The following PDCL variants were observed in gnomAD, a reference collection of about 807,000 sequenced individuals.
PDCL encodes phosducin-like protein.
In PDCL, 11 loss-of-function variants were observed where a neutral mutation model predicts 26.7. That is an observed-to-expected ratio of 0.41 (90% CI 0.26 to 0.68). The LOEUF is 0.68. PDCL is among the 30% of genes least tolerant of loss of function. PDCL has a pLI of 0.30. For missense variants in PDCL, 330 were observed against 371.6 expected (o/e 0.89, Z 0.92); for synonymous variants, 118 against 134.9 (o/e 0.87, Z 0.87).
Position 122,819,298 on chromosome 9 carries a change from A to T in PDCL, c.*787T>A, listed in dbSNP as rs1206649260. The stretch of plus-strand genomic sequence containing the variant: ...CAATATGAAAAAAAAAAAAAGTTTT[A>T]AAAAAAATCTAGGTTAAACAAAAAG... On this transcript the variant is annotated 3_prime_UTR_variant, in exon 4 of 4. Transcript: ENST00000259467. The T allele has an allele frequency of 2.0e-5, 3 of 152,030 alleles. No individual in the cohort carries two copies. Among genetic ancestry groups the T allele is most frequent in the Non-Finnish European group, 4.4e-5 (3 of 68,006 alleles). The allele number at this position is 152,030 out of a possible 1,614,324, so 9.4% of individuals were successfully genotyped here.
intron 3 of PDCL, among the ~76,000 whole-genome samples, chr9:122,821,677 G>A (rs1308795535): frequency 6.6e-6 from 1 of 152,068 alleles, no homozygotes; most frequent in Admixed American, 6.6e-5. Flanking sequence ...TAAATCAGCA[G>A]GACGGGAACA....
At position 122,818,982 on chromosome 9, in the gene PDCL, T is replaced by C. The variant is rs1161303209; in HGVS notation, c.*1103A>G. On this transcript the variant is annotated 3_prime_UTR_variant, in exon 4 of 4. Transcript: ENST00000259467. ...AGCAAATTATATCACATCTATACGA[T>C]GGAATATTAATAGACATTTTTAAAA... is the stretch of plus-strand genomic sequence containing the variant. 1 of 152,040 alleles carries C rather than the reference T, an allele frequency of 6.6e-6. No homozygotes were observed. Among genetic ancestry groups the C allele is most frequent in the African/African-American group, 2.4e-5 (1 of 41,432 alleles). 9.4% of individuals were successfully genotyped at this position (152,040 alleles called of 1,614,324 possible).
chr9:122,827,983 T>C (rs988985445), intron 1 of PDCL, among the ~76,000 whole-genome samples: 1 of 152,008 alleles, frequency 6.6e-6, no homozygotes, highest in Admixed American at 6.5e-5. Context: ...CCCAGCACAA[T>C]GCCGCTGCAC....
intron 2 of PDCL, among the ~76,000 whole-genome samples, chr9:122,824,239 C>A (rs1187338667): frequency 6.6e-6 from 1 of 152,182 alleles, no homozygotes; most frequent in Non-Finnish European, 1.5e-5. Context: ...CATATATCCC[C>A]AGCCCATTGA....
chr9:122,825,883 C>T (rs908672409), intron 2 of PDCL, among the ~76,000 whole-genome samples: 8 of 152,052 alleles, frequency 5.3e-5, no homozygotes, highest in African/African-American at 7.2e-5. Context: ...AAAGTGAGAC[C>T]CCATCTCTAC....
intron 2 of PDCL, among the ~76,000 whole-genome samples, chr9:122,823,622 A>C (rs989241180): frequency 2.0e-5 from 3 of 152,208 alleles, no homozygotes; most frequent in African/African-American, 7.2e-5. Context: ...ATATGCATAC[A>C]TGTTTGTATA....
At position 122,826,742 on chromosome 9, in the gene PDCL, A is replaced by G; in HGVS notation, c.46T>C (p.Tyr16His). 1 of 1,614,100 alleles carries G rather than the reference A, an allele frequency of 6.2e-7. No homozygotes were observed. Among genetic ancestry groups the G allele is most frequent in the Non-Finnish European group, 8.5e-7 (1 of 1,180,014 alleles). ...TCCTCATCCTCACTGCTGCTATAGT[A>G]GTACTGCAGTTTCTCCCCCAGCAAC... ...DKLLGEKLQY[Y>H]YSSSEDEDSD... The change falls in exon 2 of 4, where the codon TAC (tyrosine) becomes CAC (histidine). Residue 16 changes from tyrosine to histidine, a missense_variant. Physicochemically the swap from Tyr to His is moderately conservative, Grantham distance 83. Coordinates refer to ENST00000259467, the MANE Select transcript of PDCL (RefSeq NM_005388.5).
intron 3 of PDCL, among the ~76,000 whole-genome samples, chr9:122,822,683 C>A (rs1472721285): frequency 6.6e-6 from 1 of 152,134 alleles, no homozygotes; most frequent in African/African-American, 2.4e-5. Flanking sequence ...AAGATAAAAC[C>A]TCAATAAAAG....
intron 2 of PDCL, among the ~76,000 whole-genome samples, chr9:122,823,670 A>C (rs1172378030): frequency 6.6e-6 from 1 of 152,166 alleles, no homozygotes; most frequent in Non-Finnish European, 1.5e-5. Flanking sequence ...CTTGCAGGAT[A>C]TGTAAGCTGT....
At position 122,820,560 on chromosome 9, in the gene PDCL, C is replaced by T. The variant is rs753559825; in HGVS notation, c.431G>A (p.Arg144Gln). The change falls in exon 4 of 4, where the codon CGA becomes CAA. Residue 144 changes from arginine to glutamine, a missense_variant. Transcript: ENST00000259467. ...EEFLQQYRKQ[R>Q]MEEMRQQLHK... is the part of the protein sequence containing the mutation. Reference sequence around the variant, plus strand: ...AAGCTGCTGCCGCATCTCTTCCATTCGCTGCTTCCGGTACTGCTGCAGAAA... The same window carrying T: ...AAGCTGCTGCCGCATCTCTTCCATTTGCTGCTTCCGGTACTGCTGCAGAAA... The T allele has an allele frequency of 1.9e-6, 3 of 1,614,104 alleles. No homozygotes were observed. Among genetic ancestry groups the T allele is most frequent in the African/African-American group, 1.3e-5 (1 of 75,036 alleles).
rs1465066408 is a variant in PDCL, at chr9:122,818,273, A to C, written c.*1812T>G. 6.6e-6 allele frequency: 1 copy of C among 152,238 alleles called. No homozygotes were observed. Among genetic ancestry groups the C allele is most frequent in the Non-Finnish European group, 1.5e-5 (1 of 68,052 alleles). The allele number at this position is 152,238 out of a possible 1,614,324, so 9.4% of individuals were successfully genotyped here. ...ACAGAGCGAGACTCCATCTCAAAGA[A>C]AACAAACAAAATAAATAAATAAAAA... is the stretch of plus-strand genomic sequence containing the variant. On this transcript the variant is annotated 3_prime_UTR_variant, in exon 4 of 4. Transcript: ENST00000259467.
At chr9:122,824,037 T>G (rs1829589778) in intron 2 of PDCL, among the ~76,000 whole-genome samples, 1 of 152,178 alleles carries the variant, frequency 6.6e-6, no homozygotes, top group Non-Finnish European at 1.5e-5. Flanking sequence ...CCCAAAGTGC[T>G]ATGGGATGAT....
At chr9:122,827,103 G>A (rs761525326) in intron 1 of PDCL, among the ~76,000 whole-genome samples, 6 of 152,178 alleles carry the variant, frequency 3.9e-5, no homozygotes, top group Non-Finnish European at 5.9e-5. Flanking sequence ...AATTACTCTA[G>A]TCTGAGTTAA....
intron 2 of PDCL, 43 bp downstream of exon 2, chr9:122,826,573 A>C (rs1829631120): frequency 1.3e-6 from 2 of 1,529,750 alleles, no homozygotes; most frequent in Admixed American, 4.0e-5. Context: ...TATTTAATGT[A>C]CATTTTTTAA....
Position 122,818,260 on chromosome 9 carries a change from T to TC in PDCL, c.*1824dup, listed in dbSNP as rs1271881563. 1.3e-5 allele frequency: 2 copies of TC among 152,094 alleles called. No individual in the cohort carries two copies. Among genetic ancestry groups the TC allele is most frequent in the Admixed American group, 6.6e-5 (1 of 15,258 alleles). The allele number at this position is 152,094 out of a possible 1,614,324, so 9.4% of individuals were successfully genotyped here. On this transcript the variant is annotated 3_prime_UTR_variant, in exon 4 of 4. Coordinates refer to ENST00000259467, the MANE Select transcript of PDCL (RefSeq NM_005388.5). ...TCCAGCCTGGGTGACAGAGCGAGAC[T>TC]CCATCTCAAAGAAAACAAACAAAAT...
chr9:122,823,008 C>A lies in PDCL; in HGVS notation c.354+8G>T, dbSNP rs945879584. ...GACTCTAAGAAAAGCCTGAGTACTG[C>A]TAATTACCTTCCCACTGATCTTCTC... On this transcript the variant is annotated splice_region_variant and intron_variant, in intron 3 of 3. Coordinates refer to ENST00000259467, the MANE Select transcript of PDCL (RefSeq NM_005388.5). 5 of 1,613,326 alleles carry A rather than the reference C, an allele frequency of 3.1e-6. No individual in the cohort carries two copies. The highest frequency in any genetic ancestry group is 2.2e-5 in the East Asian group (1 of 44,888).
At chr9:122,828,413 C>A in intron 1 of PDCL, 58 bp downstream of exon 1, 1 of 152,742 alleles carries the variant, frequency 6.5e-6, no homozygotes. Flanking sequence ...TCGCCAACCC[C>A]ACTCCCTCCC....
intron 2 of PDCL, among the ~76,000 whole-genome samples, chr9:122,823,607 C>T (rs1829582964): frequency 6.6e-6 from 1 of 152,042 alleles, no homozygotes; most frequent in South Asian, 2.1e-4. Context: ...AATTTATGTA[C>T]ATAGATATGC....
At chr9:122,825,262 A>C (rs997062238) in intron 2 of PDCL, among the ~76,000 whole-genome samples, 1 of 152,046 alleles carries the variant, frequency 6.6e-6, no homozygotes, top group African/African-American at 2.4e-5. Flanking sequence ...CCGGGGTTCA[A>C]GCAATTCTCC....
Sources: allele counts gnomAD v4.1 joint callset (sites outside exome capture counted in the v4.1 genomes callset), GRCh38; gene constraint gnomAD v4.1.1; transcripts MANE v1.5; gene names NCBI Gene and HGNC (gene_info 2026-07-23, HGNC 2026-07-21).